SYT14: variants seen among roughly 807,000 people sequenced by gnomAD.
The protein encoded by SYT14 is synaptotagmin-14.
In SYT14, 32 loss-of-function variants were observed where a neutral mutation model predicts 74.2. That is an observed-to-expected ratio of 0.43 (90% CI 0.33 to 0.58). The LOEUF (loss-of-function observed/expected upper bound fraction) is 0.58, where lower values mean the gene tolerates loss of function less well. Among genes scored for constraint, SYT14 ranks in the 20% least tolerant of loss-of-function variants. SYT14 has a pLI of 0.05. For missense variants in SYT14, 791 were observed against 981.8 expected, an observed-to-expected ratio of 0.81 and a Z score of 2.60; for synonymous variants, 298 against 337.7, an observed-to-expected ratio of 0.88 and a Z score of 1.29.
At chr1:209,965,452 G>T (rs952318029) in intron 2 of SYT14, among the ~76,000 whole-genome samples, 21 of 152,152 alleles carry the variant, frequency 1.4e-4, no homozygotes, top group Non-Finnish European at 2.9e-4. Context: ...TCTTTATCCA[G>T]TCAATTGTTG....
chr1:210,133,443 A>G (rs1473056666), intron 7 of SYT14, among the ~76,000 whole-genome samples: 1 of 152,238 alleles, frequency 6.6e-6, no homozygotes. Context: ...AAATGAGTTA[A>G]TAGATATTGT....
chr1:209,983,619 G>T (rs865876304), intron 2 of SYT14, among the ~76,000 whole-genome samples: 11 of 152,018 alleles, frequency 7.2e-5, no homozygotes, highest in South Asian at 4.2e-4. Context: ...GTGTGTGTGT[G>T]TTTTTTCTGT....
rs543527644 is a variant in SYT14 at position 210,066,556 on chromosome 1, T to C, written c.1313-27766T>C. Among the ~76,000 whole-genome samples the C allele has an allele frequency of 1.6e-3, 238 of 152,132 alleles. 1 individual carries two copies. Among genetic ancestry groups the C allele is most frequent in the African/African-American group, 5.2e-3 (217 of 41,552 alleles). On this transcript the variant is annotated intron_variant, in intron 5 of 9. Coordinates refer to ENST00000637265, the Ensembl canonical transcript of SYT14. The stretch of plus-strand genomic sequence containing the variant: ...AGAAGTGTCTGTTCATATCCTTCGC[T>C]CACTTTTTGATGGGGTTGTTTGTTT...
chr1:210,029,732 T>A (rs2080488211), intron 5 of SYT14, among the ~76,000 whole-genome samples: 1 of 152,202 alleles, frequency 6.6e-6, no homozygotes, highest in South Asian at 2.1e-4. Flanking sequence ...AGAATTGGGA[T>A]CTCTTTGAGA....
Position 209,984,985 on chromosome 1 carries a change from C to T in SYT14, c.-485-28648C>T, listed in dbSNP as rs4463672. ...TACCTAAACACCTCCCACCAGGCCCCACCTCCAACATTGGGGATTACATCT... is the reference window on the plus strand; with the variant it reads ...TACCTAAACACCTCCCACCAGGCCCTACCTCCAACATTGGGGATTACATCT... On this transcript the variant is annotated intron_variant, in intron 2 of 9. Coordinates refer to ENST00000637265, the Ensembl canonical transcript of SYT14. Among the ~76,000 whole-genome samples the T allele has an allele frequency of 5.3e-3, 805 of 152,266 alleles. 5 individuals carry two copies. The highest frequency in any genetic ancestry group is 8.7e-3 in the South Asian group (42 of 4,828).
chr1:210,091,258 A>G (rs1379710463), intron 5 of SYT14, among the ~76,000 whole-genome samples: 1 of 152,202 alleles, frequency 6.6e-6, no homozygotes, highest in Non-Finnish European at 1.5e-5. Flanking sequence ...CTAATATAAA[A>G]AAGCAAACCA....
chr1:209,966,854 T>C lies in SYT14; in HGVS notation c.-486+14098T>C, dbSNP rs1189634820. 2.0e-5 allele frequency among the ~76,000 whole-genome samples: 3 copies of C among 152,328 alleles called. No individual in the cohort carries two copies. In the South Asian group the frequency reaches 6.2e-4, roughly 32 times the overall value. On this transcript the variant is annotated intron_variant, in intron 2 of 9. Transcript: ENST00000637265. ...TTATTTCACTGACTAGAACTTCTAG[T>C]ACAATGTTGAATAGAAGTAGTGAGA... is the stretch of plus-strand genomic sequence containing the variant.
At chr1:210,147,654 G>A (rs2083067997) in intron 7 of SYT14, among the ~76,000 whole-genome samples, 1 of 152,160 alleles carries the variant, frequency 6.6e-6, no homozygotes, top group Non-Finnish European at 1.5e-5. Context: ...TGGCTTGCAT[G>A]AAACTTAATT....
intron 5 of SYT14, among the ~76,000 whole-genome samples, chr1:210,026,642 A>ACT (rs1553267795): frequency 6.7e-6 from 1 of 148,834 alleles, no homozygotes; most frequent in African/African-American, 2.5e-5. Flanking sequence ...ACACACACAC[A>ACT]CTCACCCCTA....
intron 2 of SYT14, among the ~76,000 whole-genome samples, chr1:209,963,612 A>C (rs986322273): frequency 2.0e-5 from 3 of 152,230 alleles, no homozygotes; most frequent in Non-Finnish European, 4.4e-5. Context: ...ATGAGGAGAA[A>C]AAATATCTAC....
At chr1:209,972,854 T>G (rs965006339) in intron 2 of SYT14, among the ~76,000 whole-genome samples, 3 of 152,190 alleles carry the variant, frequency 2.0e-5, no homozygotes, top group African/African-American at 7.2e-5. Context: ...TGTAGATGGT[T>G]ATTAGGTTCA....
chr1:210,002,861 A>C (rs1253024922), intron 2 of SYT14, among the ~76,000 whole-genome samples: 1 of 152,058 alleles, frequency 6.6e-6, no homozygotes, highest in East Asian at 1.9e-4. Flanking sequence ...TATGTGTTGC[A>C]AATACATTAT....
At chr1:209,975,449 C>T (rs1419509548) in intron 2 of SYT14, among the ~76,000 whole-genome samples, 1 of 152,170 alleles carries the variant, frequency 6.6e-6, no homozygotes, top group East Asian at 1.9e-4. Flanking sequence ...GCCTTTTCTG[C>T]ATCTATTGAG....
chr1:209,953,173 A>G (rs1318420235), intron 2 of SYT14: 4 of 1,288,172 alleles, frequency 3.1e-6, no homozygotes, highest in Admixed American at 2.3e-5. Context: ...AAAGACCACA[A>G]CATCCTTTGA....
At chr1:210,125,110 A>G (rs2082542142) in intron 7 of SYT14, among the ~76,000 whole-genome samples, 1 of 151,542 alleles carries the variant, frequency 6.6e-6, no homozygotes, top group South Asian at 2.1e-4. Context: ...CATGTTTGTT[A>G]CAAGGATATA....
chr1:210,013,726 T>C lies in SYT14; in HGVS notation c.-392T>C, dbSNP rs759240238. 8.7e-6 allele frequency: 14 copies of C among 1,613,022 alleles called. No homozygotes were observed. In the South Asian group the frequency reaches 9.9e-5, roughly 11 times the overall value. Reference sequence around the variant, plus strand: ...CTCTATATTAATAAGAAGTTCTGTTTTGAAAATGTTGGCGGGTTTCCAGAT... The same window carrying C: ...CTCTATATTAATAAGAAGTTCTGTTCTGAAAATGTTGGCGGGTTTCCAGAT... On this transcript the variant is annotated 5_prime_UTR_variant, in exon 3 of 10. Transcript: ENST00000637265.
chr1:210,022,143 G>A (rs554427732), intron 5 of SYT14, among the ~76,000 whole-genome samples: 3 of 152,124 alleles, frequency 2.0e-5, no homozygotes, highest in Admixed American at 1.3e-4. Context: ...TGATTTTGTA[G>A]CTGTGACTTA....
chr1:209,948,862 G>T lies in SYT14; in HGVS notation c.-533-3847G>T, dbSNP rs889840941. 2.6e-5 allele frequency among the ~76,000 whole-genome samples: 4 copies of T among 152,058 alleles called. No individual in the cohort carries two copies. The East Asian group carries it at 7.8e-4, about 29-fold the overall frequency. Reference sequence around the variant, plus strand: ...TTTTCTTGAATAAAATTTGATGTGTGGAAAATTGTATTTATACAGGAGTTC... The same window carrying T: ...TTTTCTTGAATAAAATTTGATGTGTTGAAAATTGTATTTATACAGGAGTTC... On this transcript the variant is annotated intron_variant, in intron 1 of 9. Coordinates refer to ENST00000637265, the Ensembl canonical transcript of SYT14.
chr1:210,021,513 A>G (rs923088929), intron 5 of SYT14, among the ~76,000 whole-genome samples: 1 of 152,264 alleles, frequency 6.6e-6, no homozygotes. Context: ...CAGTGAACAT[A>G]TGCTTAGCAA....
Sources: gnomAD v4.1 joint callset for allele counts (sites outside exome capture counted in the v4.1 genomes callset) on GRCh38, gnomAD v4.1.1 for gene constraint, MANE v1.5 for transcripts, NCBI Gene and HGNC (gene_info 2026-07-23, HGNC 2026-07-21) for gene names.